The following SNX8 variants were observed in gnomAD, a reference collection of about 807,000 sequenced individuals.
The protein encoded by SNX8 is sorting nexin-8.
Under a neutral mutation model 51.6 loss-of-function variants are expected in SNX8, and 25 were observed. The observed-to-expected ratio is 0.48, with a 90% CI of 0.35 to 0.68. The LOEUF is 0.68. SNX8 is among the 30% of genes least tolerant of loss of function. The pLI, the probability that SNX8 is intolerant of heterozygous loss-of-function variation, is 0.00. For synonymous variants in SNX8, 324 were observed against 277.0 expected (o/e 1.17, Z -1.68); for missense variants, 695 against 624.0 (o/e 1.11, Z -1.21).
intron 1 of SNX8, among the ~76,000 whole-genome samples, chr7:2,346,753 A>G (rs1167451016): frequency 6.7e-6 from 1 of 149,260 alleles, no homozygotes; most frequent in African/African-American, 2.5e-5. Context: ...AAAAAAAAAA[A>G]AAAAAAACAG....
At chr7:2,321,713 C>CTTTT (rs59105866) in intron 1 of SNX8, among the ~76,000 whole-genome samples, 2 of 88,676 alleles carry the variant, frequency 2.3e-5, no homozygotes, top group Non-Finnish European at 4.1e-5. Flanking sequence ...CGCGCCCGGC[C>CTTTT]TTTTTTTTTT....
chr7:2,331,673 C>A (rs780700710), intron 1 of SNX8, among the ~76,000 whole-genome samples: 1 of 151,498 alleles, frequency 6.6e-6, no homozygotes, highest in Non-Finnish European at 1.5e-5. Context: ...CCACTGCACT[C>A]CAGCCTGGGC....
Position 2,271,961 on chromosome 7 carries a change from C to CT in SNX8, c.428dup (p.Phe144ValfsTer58). ...GGGCTCTCCTCCTGGCCTCGATGAA[C>CT]TCCCTGTCAGCTGGAGGAGCACACG... On this transcript the variant is annotated frameshift_variant, in exon 4 of 11. Coordinates refer to ENST00000222990, the MANE Select transcript of SNX8 (RefSeq NM_013321.4). LOFTEE classifies it high-confidence loss of function. 1 of 1,614,056 alleles carries CT rather than the reference C, an allele frequency of 6.2e-7. No individual in the cohort carries two copies. Among genetic ancestry groups the CT allele is most frequent in the Non-Finnish European group, 8.5e-7 (1 of 1,180,004 alleles).
intron 4 of SNX8, among the ~76,000 whole-genome samples, chr7:2,271,043 GGTT>G (rs1795632938): frequency 1.3e-5 from 2 of 152,182 alleles, no homozygotes; most frequent in South Asian, 4.1e-4. Context: ...TGGGCTGCAG[GGTT>G]GTTTTTTGTT....
At chr7:2,342,983 C>A (rs565012680) in intron 1 of SNX8, among the ~76,000 whole-genome samples, 3 of 151,804 alleles carry the variant, frequency 2.0e-5, no homozygotes, top group African/African-American at 7.3e-5. Flanking sequence ...TTAGTAGAGA[C>A]GGGGTTTTAC....
intron 1 of SNX8, among the ~76,000 whole-genome samples, chr7:2,296,075 C>T (rs1165075812): frequency 4.6e-5 from 7 of 152,128 alleles, no homozygotes; most frequent in Non-Finnish European, 1.5e-5. Flanking sequence ...TCATTGTTTC[C>T]ATGTGAATTT....
At chr7:2,346,358 G>T (rs938419924) in intron 1 of SNX8, among the ~76,000 whole-genome samples, 8 of 151,686 alleles carry the variant, frequency 5.3e-5, no homozygotes, top group African/African-American at 1.7e-4. Flanking sequence ...AAACAGGAGG[G>T]TTGCTTGAAC....
chr7:2,337,441 CCT>C (rs1349553023), intron 1 of SNX8, among the ~76,000 whole-genome samples: 1 of 127,420 alleles, frequency 7.8e-6, no homozygotes, highest in Non-Finnish European at 1.7e-5. Context: ...AGAGCAAGAC[CCT>C]GTCACAAAAC....
chr7:2,305,044 C>T (rs1030652789), intron 1 of SNX8, among the ~76,000 whole-genome samples: 3 of 152,172 alleles, frequency 2.0e-5, no homozygotes, highest in Admixed American at 2.0e-4. Context: ...TTCCTGCAGA[C>T]GCCGGAGGGT....
intron 2 of SNX8, among the ~76,000 whole-genome samples, chr7:2,275,666 C>A: frequency 6.6e-6 from 1 of 151,478 alleles, no homozygotes; most frequent in East Asian, 2.0e-4. Context: ...CGTGCCACTG[C>A]ACTCTAGCCT....
At chr7:2,310,477 G>C (rs1314278556) in intron 1 of SNX8, among the ~76,000 whole-genome samples, 3 of 151,990 alleles carry the variant, frequency 2.0e-5, no homozygotes, top group Non-Finnish European at 4.4e-5. Context: ...TTAAAAATTG[G>C]CCAGGCGTGG....
chr7:2,353,793 C>CG (rs983795133), intron 1 of SNX8, among the ~76,000 whole-genome samples: 1 of 151,928 alleles, frequency 6.6e-6, no homozygotes, highest in Non-Finnish European at 1.5e-5. Flanking sequence ...GGCTGGCGTG[C>CG]GGGGGGTGGT....
chr7:2,273,430 A>C (rs1161418142), intron 3 of SNX8, among the ~76,000 whole-genome samples: 2 of 150,752 alleles, frequency 1.3e-5, no homozygotes, highest in Non-Finnish European at 3.0e-5. Context: ...AATACAAAAA[A>C]AAATAATTAG....
At chr7:2,281,129 AAAAG>A (rs1239526624) in intron 1 of SNX8, among the ~76,000 whole-genome samples, 2 of 152,054 alleles carry the variant, frequency 1.3e-5, no homozygotes, top group Non-Finnish European at 2.9e-5. Context: ...TTAATTAAGA[AAAAG>A]AAAGAAAAAG....
At chr7:2,348,338 CTTT>C (rs59761780) in intron 1 of SNX8, among the ~76,000 whole-genome samples, 8 of 93,660 alleles carry the variant, frequency 8.5e-5, no homozygotes, top group Non-Finnish European at 1.3e-4. Flanking sequence ...TTCTTTCTTT[CTTT>C]TTTTTTTTTT....
intron 5 of SNX8, among the ~76,000 whole-genome samples, chr7:2,269,031 C>T (rs1438635611): frequency 7.4e-6 from 1 of 135,728 alleles, no homozygotes. Context: ...GGGAGGTGTG[C>T]CCAACAGCTC....
intron 1 of SNX8, among the ~76,000 whole-genome samples, chr7:2,304,274 GCAGCT>G (rs1796490944): frequency 6.6e-6 from 1 of 152,082 alleles, no homozygotes; most frequent in African/African-American, 2.4e-5. Context: ...GCCGGGCACG[GCAGCT>G]CACGCCTGGA....
chr7:2,351,905 G>GTTTTTTGTT (rs1779149640), intron 1 of SNX8, among the ~76,000 whole-genome samples: 3 of 88,324 alleles, frequency 3.4e-5, no homozygotes, highest in Admixed American at 1.4e-4. Context: ...GTTGTTGTTG[G>GTTTTTTGTT]TTTTTTTTTT....
chr7:2,305,664 T>C (rs1796529074), intron 1 of SNX8, among the ~76,000 whole-genome samples: 1 of 151,702 alleles, frequency 6.6e-6, no homozygotes, highest in Admixed American at 6.6e-5. Flanking sequence ...ATGCCCGGCC[T>C]GTATTGTATT....
Sources: allele counts gnomAD v4.1 joint callset (sites outside exome capture counted in the v4.1 genomes callset), GRCh38; gene constraint gnomAD v4.1.1; transcripts MANE v1.5; gene names NCBI Gene and HGNC (gene_info 2026-07-23, HGNC 2026-07-21).